SPART: variants seen among roughly 807,000 people sequenced by gnomAD.
SPART encodes the protein spartin.
Under a neutral mutation model 58.7 loss-of-function variants are expected in SPART, and 35 were observed. The observed-to-expected ratio is 0.60, with a 90% CI of 0.46 to 0.79. The LOEUF is 0.79. Among genes scored for constraint, SPART ranks in the 30% least tolerant of loss-of-function variants. SPART has a pLI of 0.00. For missense variants in SPART, 730 were observed against 786.1 expected (o/e 0.93, Z 0.85); for synonymous variants, 284 against 280.7 (o/e 1.01, Z -0.12).
At chr13:36,348,844 A>G (rs895592427), upstream of SPART, among the ~76,000 whole-genome samples, 1 of 152,186 alleles carries the variant, frequency 6.6e-6, no homozygotes, top group Non-Finnish European at 1.5e-5. Flanking sequence ...TTGCAAGCTG[A>G]TCCTAAAATT....
intron 2 of SPART, among the ~76,000 whole-genome samples, chr13:36,333,865 A>G (rs573143922): frequency 6.6e-6 from 1 of 152,294 alleles, no homozygotes; most frequent in South Asian, 2.1e-4. Context: ...TCCTTAAAAT[A>G]ATCTACAGGA....
At chr13:36,320,964 G>A (rs1444620107) in intron 5 of SPART, among the ~76,000 whole-genome samples, 8 of 152,236 alleles carry the variant, frequency 5.3e-5, no homozygotes, top group Non-Finnish European at 1.0e-4. Context: ...ATAGACTAAA[G>A]GTCTTTTAAA....
chr13:36,365,767 G>A (rs573706721), intron 1 of SPART: 6 of 320,174 alleles, frequency 1.9e-5, no homozygotes, highest in Non-Finnish European at 3.2e-5. Context: ...TGGAACAGGC[G>A]AGCTGTGAAT....
intron 5 of SPART, among the ~76,000 whole-genome samples, chr13:36,324,785 C>A (rs190505568): frequency 6.6e-6 from 1 of 151,968 alleles, no homozygotes; most frequent in South Asian, 2.1e-4. Flanking sequence ...AGAGAGTCAG[C>A]GAAGGGAGAT....
chr13:36,338,975 TCACACACAGACACACA>T (rs1273211050), intron 1 of SPART, among the ~76,000 whole-genome samples: 1 of 151,352 alleles, frequency 6.6e-6, no homozygotes, highest in Non-Finnish European at 1.5e-5. Flanking sequence ...ACGCACACAC[TCACACACAGACACACA>T]CACAGCCCAG....
intron 1 of SPART, among the ~76,000 whole-genome samples, chr13:36,356,243 G>T (rs895612722): frequency 6.6e-6 from 1 of 152,148 alleles, no homozygotes; most frequent in African/African-American, 2.4e-5. Flanking sequence ...AGTCTTGCTG[G>T]CGAGTCTCGC....
rs780452995 is a variant in SPART at position 36,335,111 on chromosome 13, A to G, written c.720T>C (p.Ser240=). Residue 240 remains serine, a synonymous_variant, in exon 2 of 9, where the codon AGT becomes AGC. Coordinates refer to ENST00000438666, the MANE Select transcript of SPART (RefSeq NM_015087.5). ...GAAGGTACCCAGGATACGAAGGTGC[A>G]CTAACCTCCCCTGCAGGATTTACAA... ...IFFVNPAGEV[S]APSYPGYLRI... is the part of the protein sequence containing the mutation. 5.0e-6 allele frequency: 8 copies of G among 1,614,072 alleles called. No individual in the cohort carries two copies. The East Asian group carries it at 1.3e-4, about 27-fold the overall frequency.
intron 1 of SPART, among the ~76,000 whole-genome samples, chr13:36,336,726 C>T (rs960590985): frequency 6.6e-6 from 1 of 152,154 alleles, no homozygotes; most frequent in Non-Finnish European, 1.5e-5. Context: ...ATGCCAAAAA[C>T]ATGTATGGCA....
Position 36,302,990 on chromosome 13 carries a change from C to T in SPART, c.*1375G>A, listed in dbSNP as rs1215918585. ...AATGAGAATATATGAAGTGCCATTC[C>T]ATTTCTTAAACAAAGCATAGACTGT... On this transcript the variant is annotated 3_prime_UTR_variant, in exon 9 of 9. Transcript: ENST00000438666. 6.6e-6 allele frequency: 1 copy of T among 152,112 alleles called. No homozygotes were observed. The highest frequency in any genetic ancestry group is 1.9e-4 in the East Asian group (1 of 5,198). 9.4% of individuals were successfully genotyped at this position (152,112 alleles called of 1,614,324 possible).
chr13:36,314,041 T>G, intron 6 of SPART, 186 bp downstream of exon 6: 1 of 624,286 alleles, frequency 1.6e-6, no homozygotes, highest in Non-Finnish European at 2.7e-6. Flanking sequence ...TTTCTAAGGA[T>G]TCCAGATAGG....
At chr13:36,332,972 G>A (rs1401041911) in intron 2 of SPART, among the ~76,000 whole-genome samples, 6 of 151,380 alleles carry the variant, frequency 4.0e-5, no homozygotes, top group African/African-American at 1.5e-4. Context: ...CAAAAAAATT[G>A]TAAAAGTTAT....
At chr13:36,358,281 C>A (rs1252757623) in intron 1 of SPART, among the ~76,000 whole-genome samples, 1 of 151,810 alleles carries the variant, frequency 6.6e-6, no homozygotes, top group African/African-American at 2.4e-5. Context: ...GTCTTTTTTG[C>A]ATGTTTGGAT....
intron 2 of SPART, among the ~76,000 whole-genome samples, chr13:36,331,868 G>A (rs142027832): frequency 6.6e-6 from 1 of 152,214 alleles, no homozygotes; most frequent in East Asian, 1.9e-4. Flanking sequence ...CTAGCCTAGT[G>A]TTAACCAATA....
chr13:36,336,176 A>T lies in SPART; in HGVS notation c.-2-344T>A. The T allele has an allele frequency of 1.6e-5, 3 of 185,378 alleles. No homozygotes were observed. The Admixed American group carries it at 1.7e-4, about 10-fold the overall frequency. 11.5% of individuals were successfully genotyped at this position (185,378 alleles called of 1,614,324 possible). ...ATGGTTGAAACAAGAGTCTCATTCT[A>T]AAATTCATTATAATATAAATCCAGA... On this transcript the variant is annotated intron_variant, in intron 1 of 8. Transcript: ENST00000438666.
chr13:36,337,107 T>C (rs1884087836), intron 1 of SPART, among the ~76,000 whole-genome samples: 1 of 152,232 alleles, frequency 6.6e-6, no homozygotes, highest in Admixed American at 6.5e-5. Context: ...CACTTATGTA[T>C]AGTTTCATTT....
intron 8 of SPART, among the ~76,000 whole-genome samples, chr13:36,305,003 A>C (rs533912395): frequency 6.6e-6 from 1 of 152,284 alleles, no homozygotes; most frequent in African/African-American, 2.4e-5. Flanking sequence ...GAAGCAACTA[A>C]TCTAGAGTCA....
chr13:36,335,436 A>G lies in SPART; in HGVS notation c.395T>C (p.Phe132Ser). Residue 132 changes from phenylalanine (F) to serine (S), a missense_variant, in exon 2 of 9, where the codon TTT becomes TCT. Phe to Ser is a radical substitution (Grantham distance 155). Coordinates refer to ENST00000438666, the MANE Select transcript of SPART (RefSeq NM_015087.5). ...TTCAGCATGCTGAGGAGCTGAACTA[A>G]AAGACTGAGGCTCTGGTAATTTTTC... ...MCEKLPEPQSFSSAPQHAEVN... is the reference protein window; with the variant it reads ...MCEKLPEPQSSSSAPQHAEVN... 1 of 1,614,134 alleles carries G rather than the reference A, an allele frequency of 6.2e-7. No homozygotes were observed. The highest frequency in any genetic ancestry group is 1.3e-5 in the African/African-American group (1 of 75,050).
intron 1 of SPART, among the ~76,000 whole-genome samples, chr13:36,339,627 C>CAAAAAAAAAAAAAAA (rs71084420): frequency 2.6e-5 from 1 of 38,804 alleles, no homozygotes; most frequent in African/African-American, 1.2e-4. Context: ...ACGACTCCAT[C>CAAAAAAAAAAAAAAA]AAAAAAAAAA....
At chr13:36,338,387 A>C (rs1222794154) in intron 1 of SPART, among the ~76,000 whole-genome samples, 1 of 152,210 alleles carries the variant, frequency 6.6e-6, no homozygotes, top group Non-Finnish European at 1.5e-5. Context: ...CAGATGCTTT[A>C]AACTGTCAGT....
Sources: allele counts gnomAD v4.1 joint callset (sites outside exome capture counted in the v4.1 genomes callset), GRCh38; gene constraint gnomAD v4.1.1; transcripts MANE v1.5; gene names NCBI Gene and HGNC (gene_info 2026-07-23, HGNC 2026-07-21).